MGAM2: variants seen among roughly 807,000 people sequenced by gnomAD.
The protein encoded by MGAM2 is probable maltase-glucoamylase 2.
Under a neutral mutation model 96.1 loss-of-function variants are expected in MGAM2, and 98 were observed. The ratio of observed to expected loss-of-function variants is 1.02; its 90% CI spans 0.87 to 1.21. The LOEUF (loss-of-function observed/expected upper bound fraction) is 1.21, where lower values mean the gene tolerates loss of function less well. Among genes scored for constraint, MGAM2 ranks in the 50% most tolerant of loss-of-function variants. The pLI, the probability that MGAM2 is intolerant of heterozygous loss-of-function variation, is 0.00. For missense variants in MGAM2, 2,055 were observed against 1,182.4 expected, an observed-to-expected ratio of 1.74 and a Z score of -10.82; for synonymous variants, 749 against 414.8, an observed-to-expected ratio of 1.81 and a Z score of -9.79.
At position 142,154,180 on chromosome 7, in the gene MGAM2, C is replaced by A; in HGVS notation, c.1797C>A (p.Gly599=). 1.6e-6 allele frequency: 1 copy of A among 621,632 alleles called. No individual in the cohort carries two copies. Among genetic ancestry groups the A allele is most frequent in the Non-Finnish European group, 3.0e-6 (1 of 331,546 alleles). 38.5% of individuals were successfully genotyped at this position (621,632 alleles called of 1,614,324 possible). Residue 599 remains glycine, a synonymous_variant, in exon 16 of 48, where the codon GGC becomes GGA. Coordinates refer to ENST00000477922, the MANE Select transcript of MGAM2 (RefSeq NM_001293626.2). ...IPTILEFNLF[G]IPMVGANICG... ...CTATCCTTGAGTTCAACCTGTTTGG[C>A]ATCCCCATGGTGAGCCTTATTTCCA...
chr7:142,118,930 A>T lies in MGAM2; in HGVS notation c.107-1372A>T, dbSNP rs76588582. 5.2e-3 allele frequency among the ~76,000 whole-genome samples: 799 copies of T among 152,334 alleles called. 6 individuals are homozygous for T. The highest frequency in any genetic ancestry group is 0.018 in the African/African-American group (743 of 41,582). ...AAAAATGTCTGTGACCTTGGATTAG[A>T]TAACAGTTTCTTAGATGATACCCAA... On this transcript the variant is annotated intron_variant, in intron 2 of 47. Transcript: ENST00000477922.
At position 142,120,314 on chromosome 7, in the gene MGAM2, C is replaced by T. The variant is rs766081669; in HGVS notation, c.119C>T (p.Thr40Ile). The change falls in exon 3 of 48, where the codon ACT (threonine) becomes ATT (isoleucine). Residue 40 changes from threonine to isoleucine, a missense_variant. By Grantham distance (89) the Thr-to-Ile change is moderately conservative (BLOSUM62 -1). Transcript: ENST00000477922. ...VLEETSDTSF[T>I]PECPEIPQSE... is the part of the protein sequence containing the mutation. Reference sequence around the variant, plus strand: ...AATTCCTATGCAGATACTTCATTTACTCCAGAGTGCCCAGAGATTCCCCAG... The same window carrying T: ...AATTCCTATGCAGATACTTCATTTATTCCAGAGTGCCCAGAGATTCCCCAG... The T allele has an allele frequency of 1.8e-5, 13 of 702,934 alleles. No individual in the cohort carries two copies. In the South Asian group the frequency reaches 1.9e-4, roughly 10 times the overall value. The allele number at this position is 702,934 out of a possible 1,614,324, so 43.5% of individuals were successfully genotyped here.
chr7:142,149,599 GGT>G (rs1161747572), intron 15 of MGAM2, among the ~76,000 whole-genome samples: 1 of 151,734 alleles, frequency 6.6e-6, no homozygotes, highest in Non-Finnish European at 1.5e-5. Flanking sequence ...GGAGTGCAGT[GGT>G]GCGATCTCGG....
Position 142,114,186 on chromosome 7 carries a change from G to GA in MGAM2, c.-1+2382dup, listed in dbSNP as rs1209479790. ...AGAAAGAAAGAAAGAAAGAAAGAAA[G>GA]AAAGAAAGAAAGAAAGAAAGAAAGA... is the stretch of plus-strand genomic sequence containing the variant. On this transcript the variant is annotated intron_variant, in intron 1 of 47. Transcript: ENST00000477922. Among the ~76,000 whole-genome samples the GA allele has an allele frequency of 3.8e-5, 5 of 132,086 alleles. 1 individual carries two copies. Among genetic ancestry groups the GA allele is most frequent in the Non-Finnish European group, 7.8e-5 (5 of 64,124 alleles). 86.7% of individuals were successfully genotyped at this position (132,086 alleles called of 152,430 possible). A position where few individuals can be genotyped will look rare whatever the true frequency, so the allele number is the denominator to read the frequency against.
Position 142,164,932 on chromosome 7 carries a change from T to C in MGAM2, c.2561T>C (p.Leu854Ser). The change falls in exon 24 of 48, where the codon TTG becomes TCG. Residue 854 changes from leucine to serine, a missense_variant. Leu to Ser is a moderately radical substitution (Grantham distance 145). Coordinates refer to ENST00000477922, the MANE Select transcript of MGAM2 (RefSeq NM_001293626.2). Reference sequence around the variant, plus strand: ...CTCATGTTCACAGATATCACAATCTTGGGAATGGACAAACAGCCAGCTAAT... The same window carrying C: ...CTCATGTTCACAGATATCACAATCTCGGGAATGGACAAACAGCCAGCTAAT... The part of the protein sequence containing the change: ...DNLMFTDITI[L>S]GMDKQPANFI... The C allele has an allele frequency of 1.4e-6, 1 of 702,810 alleles. No homozygotes were observed. The highest frequency in any genetic ancestry group is 2.6e-6 in the Non-Finnish European group (1 of 384,914). 43.5% of individuals were successfully genotyped at this position (702,810 alleles called of 1,614,324 possible). A position where few individuals can be genotyped will look rare whatever the true frequency, so the allele number is the denominator to read the frequency against.
intron 32 of MGAM2, among the ~76,000 whole-genome samples, chr7:142,177,036 G>A (rs759226997): frequency 6.6e-5 from 10 of 152,090 alleles, no homozygotes; most frequent in Admixed American, 3.3e-4. Flanking sequence ...TAGATTCAGT[G>A]TGTACATATG....
chr7:142,193,151 T>C (rs1337330951), intron 37 of MGAM2, among the ~76,000 whole-genome samples: 1 of 152,184 alleles, frequency 6.6e-6, no homozygotes, highest in African/African-American at 2.4e-5. Flanking sequence ...TATTTTTTAA[T>C]TCCCATACAC....
chr7:142,162,862 A>G (rs1422636274), intron 23 of MGAM2, among the ~76,000 whole-genome samples: 6 of 151,806 alleles, frequency 4.0e-5, no homozygotes, highest in Non-Finnish European at 7.4e-5. Context: ...GAATGCCGGC[A>G]TTGATGCTAT....
At chr7:142,175,114 G>T (rs1796332240) in intron 31 of MGAM2, among the ~76,000 whole-genome samples, 1 of 152,110 alleles carries the variant, frequency 6.6e-6, no homozygotes, top group African/African-American at 2.4e-5. Context: ...TCTTGTGCTG[G>T]TTTTCAAGGG....
intron 16 of MGAM2, 34 bp downstream of exon 16, chr7:142,154,223 C>T (rs2129084518): frequency 1.8e-6 from 1 of 548,770 alleles, no homozygotes. Context: ...AACTTTAACC[C>T]TTTGTCTGTT....
chr7:142,210,638 G>T (rs1797552937), intron 46 of MGAM2, among the ~76,000 whole-genome samples: 1 of 152,230 alleles, frequency 6.6e-6, no homozygotes, highest in Admixed American at 6.5e-5. Context: ...TGCCTTTCTA[G>T]ATTCCTCCTG....
chr7:142,156,208 A>C (rs532450087), intron 17 of MGAM2, among the ~76,000 whole-genome samples: 1 of 152,206 alleles, frequency 6.6e-6, no homozygotes, highest in South Asian at 2.1e-4. Flanking sequence ...AAAATACTTT[A>C]TATAGCTCAA....
At chr7:142,208,332 A>T in intron 45 of MGAM2, 1 of 625,390 alleles carries the variant, frequency 1.6e-6, no homozygotes, top group South Asian at 1.5e-5. Context: ...TTCAACCCAG[A>T]TTCTCTTGCA....
intron 26 of MGAM2, among the ~76,000 whole-genome samples, chr7:142,168,436 A>G (rs1386297910): frequency 1.3e-5 from 2 of 151,904 alleles, no homozygotes; most frequent in Non-Finnish European, 2.9e-5. Context: ...CGCCCAGCTA[A>G]TTTTTTGTAT....
In MGAM2 at chr7:142,186,041, C is replaced by T. The variant is rs550796252; in HGVS notation, c.4040C>T (p.Ala1347Val). Reference sequence around the variant, plus strand: ...GACTTCTTTCGTAATAGCACAGCTGCGTGGTGGAAGAAAGAGATAGAAGAG... The same window carrying T: ...GACTTCTTTCGTAATAGCACAGCTGTGTGGTGGAAGAAAGAGATAGAAGAG... Reference protein sequence around the residue: ...FPDFFRNSTAAWWKKEIEELY... With the variant: ...FPDFFRNSTAVWWKKEIEELY... Residue 1347 changes from alanine to valine, a missense_variant, in exon 35 of 48, where the codon GCG (alanine) becomes GTG (valine). Physicochemically the swap from Ala to Val is moderately conservative, Grantham distance 64. Coordinates refer to ENST00000477922, the MANE Select transcript of MGAM2 (RefSeq NM_001293626.2). The T allele has an allele frequency of 3.4e-5, 24 of 704,848 alleles. No homozygotes were observed. Among genetic ancestry groups the T allele is most frequent in the African/African-American group, 1.7e-4 (10 of 57,322 alleles). The allele number at this position is 704,848 out of a possible 1,614,324, so 43.7% of individuals were successfully genotyped here. A position where few individuals can be genotyped will look rare whatever the true frequency, so the allele number is the denominator to read the frequency against.
At chr7:142,137,374 CAGAGA>C (rs1795089322) in intron 8 of MGAM2, 54 bp from the exon 9 acceptor site, 1 of 635,560 alleles carries the variant, frequency 1.6e-6, no homozygotes, top group Admixed American at 2.4e-5. Context: ...ATTTCTACTG[CAGAGA>C]AGAGTTTACT....
In MGAM2 at chr7:142,196,137, T is replaced by C. The variant is rs1255455154; in HGVS notation, c.4347-17T>C. The C allele has an allele frequency of 1.0e-6, 1 of 965,996 alleles. No individual in the cohort carries two copies. The highest frequency in any genetic ancestry group is 1.6e-5 in the African/African-American group (1 of 61,862). 59.8% of individuals were successfully genotyped at this position (965,996 alleles called of 1,614,324 possible). ...AGTTTGTTTCTTCAACTCACCTCTT[T>C]ATTCCCCTCCCACCAGAGCTGTGCA... On this transcript the variant is annotated splice_polypyrimidine_tract_variant and intron_variant, in intron 37 of 47. Coordinates refer to ENST00000477922, the MANE Select transcript of MGAM2 (RefSeq NM_001293626.2).
At chr7:142,120,464 G>A (rs1794533245) in intron 3 of MGAM2, 83 bp downstream of exon 3, 3 of 648,950 alleles carry the variant, frequency 4.6e-6, no homozygotes, top group African/African-American at 3.6e-5. Flanking sequence ...AAGGGTGGGG[G>A]TGGCATGGCT....
chr7:142,195,345 CTTTTTTTTTTTTTT>C (rs1013124747), intron 37 of MGAM2, among the ~76,000 whole-genome samples: 7 of 70,008 alleles, frequency 1.0e-4, no homozygotes, highest in East Asian at 5.1e-4. Flanking sequence ...CCTTTTTACT[CTTTTTTTTTTTTTT>C]TTTTTTTTTT....
Sources: gnomAD v4.1 joint callset for allele counts (sites outside exome capture counted in the v4.1 genomes callset) on GRCh38, gnomAD v4.1.1 for gene constraint, MANE v1.5 for transcripts, NCBI Gene and HGNC (gene_info 2026-07-23, HGNC 2026-07-21) for gene names.